Variants in RIN2 observed in about 807,000 individuals in gnomAD.
RIN2 encodes the protein Ras and Rab interactor 2, also known as RAB5 interacting protein 2.
In RIN2, 36 loss-of-function variants were observed where a neutral mutation model predicts 78.0. The ratio of observed to expected loss-of-function variants is 0.46; its 90% CI spans 0.35 to 0.61. The LOEUF is 0.61. Among genes scored for constraint, RIN2 ranks in the 20% least tolerant of loss-of-function variants. The pLI is 0.00. For missense variants in RIN2, 1,087 were observed against 1,159.7 expected (o/e 0.94, Z 0.91); for synonymous variants, 466 against 466.8 (o/e 1.00, Z 0.02).
chr20:19,985,910 G>A (rs764300680), intron 9 of RIN2, among the ~76,000 whole-genome samples: 30 of 152,102 alleles, frequency 2.0e-4, no homozygotes, highest in Non-Finnish European at 2.9e-4. Flanking sequence ...AGATGTCCTT[G>A]GGTTTCAGTT....
Position 19,990,037 on chromosome 20 carries a change from C to T in RIN2, c.1794C>T (p.Cys598=). The stretch of plus-strand genomic sequence containing the variant: ...TGCTGGAAAAAGCCATGCACAAGTG[C>T]ATCTTGAAGCCCCTCAAGGGGCACG... ...DVVLEKAMHK[C]ILKPLKGHVE... is the part of the protein sequence containing the mutation. The change falls in exon 10 of 13, where the codon TGC becomes TGT. Residue 598 remains cysteine, a synonymous_variant. Coordinates refer to ENST00000255006, the MANE Select transcript of RIN2 (RefSeq NM_018993.4). 3 of 1,588,610 alleles carry T rather than the reference C, an allele frequency of 1.9e-6. No individual in the cohort carries two copies. Among genetic ancestry groups the T allele is most frequent in the Non-Finnish European group, 1.7e-6 (2 of 1,166,140 alleles).
At chr20:19,906,366 T>C (rs2039218566) in intron 3 of RIN2, among the ~76,000 whole-genome samples, 1 of 152,200 alleles carries the variant, frequency 6.6e-6, no homozygotes, top group Non-Finnish European at 1.5e-5. Context: ...GGAGGATTGC[T>C]TGAGCCCAGG....
At chr20:19,864,377 C>T (rs756362649) in intron 2 of RIN2, among the ~76,000 whole-genome samples, 1 of 152,140 alleles carries the variant, frequency 6.6e-6, no homozygotes, top group Non-Finnish European at 1.5e-5. Flanking sequence ...TTCTTATTAA[C>T]ACCAGACCTG....
chr20:19,946,166 T>C (rs1419354634), intron 4 of RIN2, among the ~76,000 whole-genome samples: 1 of 152,088 alleles, frequency 6.6e-6, no homozygotes, highest in African/African-American at 2.4e-5. Context: ...GAATATGGGC[T>C]GGGGATGAGG....
intron 1 of RIN2, among the ~76,000 whole-genome samples, chr20:19,766,508 A>T (rs909753410): frequency 1.9e-4 from 29 of 152,156 alleles, no homozygotes; most frequent in African/African-American, 6.0e-4. Flanking sequence ...GGGGTACTTC[A>T]TCCTTTCCTG....
Position 19,819,672 on chromosome 20 carries a change from C to T in RIN2, c.-37+19925C>T, listed in dbSNP as rs186403211. On this transcript the variant is annotated intron_variant, in intron 2 of 12. Coordinates refer to ENST00000255006, the MANE Select transcript of RIN2 (RefSeq NM_018993.4). ...CACCTCACCCTCCTGGTAGCTGGGA[C>T]CACAGGTGCATGCCACCATGCCTAG... Among the ~76,000 whole-genome samples, 6 of 152,240 alleles carry T rather than the reference C, an allele frequency of 3.9e-5. No individual in the cohort carries two copies. In the East Asian group the frequency reaches 1.2e-3, roughly 29 times the overall value.
chr20:19,854,528 C>T (rs2037100654), intron 2 of RIN2, among the ~76,000 whole-genome samples: 1 of 152,154 alleles, frequency 6.6e-6, no homozygotes, highest in Admixed American at 6.6e-5. Flanking sequence ...AATGTTCTTC[C>T]ATTTGTTTGT....
At chr20:19,918,816 A>G (rs1420982514) in intron 3 of RIN2, among the ~76,000 whole-genome samples, 5 of 152,148 alleles carry the variant, frequency 3.3e-5, no homozygotes, top group Non-Finnish European at 5.9e-5. Flanking sequence ...CTGGGATGAC[A>G]CTTAGGTAGA....
intron 1 of RIN2, among the ~76,000 whole-genome samples, chr20:19,764,680 A>G (rs1183167109): frequency 6.6e-6 from 1 of 152,156 alleles, no homozygotes; most frequent in Non-Finnish European, 1.5e-5. Flanking sequence ...TCCTCAATCA[A>G]TTACCTAGCC....
chr20:19,810,572 G>A (rs1389191116), intron 2 of RIN2, among the ~76,000 whole-genome samples: 3 of 152,024 alleles, frequency 2.0e-5, no homozygotes, highest in Non-Finnish European at 2.9e-5. Flanking sequence ...AACATCAGCC[G>A]GTGCTGCTCC....
intron 4 of RIN2, among the ~76,000 whole-genome samples, chr20:19,937,380 C>G (rs780541035): frequency 1.3e-5 from 2 of 152,164 alleles, no homozygotes; most frequent in Non-Finnish European, 2.9e-5. Context: ...GCACGTCTGA[C>G]GGCTGCAGGA....
chr20:19,771,904 C>T lies in RIN2; in HGVS notation c.-163+13577C>T, dbSNP rs142496398. Among the ~76,000 whole-genome samples the T allele has an allele frequency of 2.9e-3, 439 of 152,290 alleles. 2 individuals carry two copies. Among genetic ancestry groups the T allele is most frequent in the Non-Finnish European group, 3.5e-3 (241 of 68,020 alleles). On this transcript the variant is annotated intron_variant, in intron 1 of 12. Coordinates refer to ENST00000255006, the MANE Select transcript of RIN2 (RefSeq NM_018993.4). ...CCTCCTCTTGCCCTCCTCACTCTCT[C>T]GTTATTTTGAGACAGGATCTTGCTC... is the stretch of plus-strand genomic sequence containing the variant.
At chr20:19,834,751 T>A (rs149003021) in intron 2 of RIN2, among the ~76,000 whole-genome samples, 1 of 152,302 alleles carries the variant, frequency 6.6e-6, no homozygotes, top group East Asian at 1.9e-4. Context: ...CAATCTTCTG[T>A]CTTTTAAGTT....
chr20:19,775,817 GC>G (rs1485643005), intron 1 of RIN2, among the ~76,000 whole-genome samples: 1 of 152,200 alleles, frequency 6.6e-6, no homozygotes, highest in Non-Finnish European at 1.5e-5. Flanking sequence ...CCGCCCCAGG[GC>G]CCTCCATTGC....
intron 3 of RIN2, among the ~76,000 whole-genome samples, chr20:19,927,702 A>T (rs1039122246): frequency 6.6e-6 from 1 of 152,054 alleles, no homozygotes; most frequent in Non-Finnish European, 1.5e-5. Context: ...AGCGTGAGCC[A>T]CCACGCCCAG....
chr20:19,996,709 C>T lies in RIN2; in HGVS notation c.2231C>T (p.Ala744Val), dbSNP rs2042978631. The T allele has an allele frequency of 6.2e-7, 1 of 1,614,054 alleles. No individual in the cohort carries two copies. Among genetic ancestry groups the T allele is most frequent in the Non-Finnish European group, 8.5e-7 (1 of 1,179,906 alleles). The stretch of plus-strand genomic sequence containing the variant: ...TATTACTTGACAAGCGCATATGGAG[C>T]ACTTTCTCTGATAAAGAATTTCCAA... The part of the protein sequence containing the change: ...GGYYLTSAYG[A>V]LSLIKNFQEE... The change falls in exon 12 of 13, where the codon GCA becomes GTA. Residue 744 changes from alanine (A) to valine (V), a missense_variant. Transcript: ENST00000255006.
intron 2 of RIN2, among the ~76,000 whole-genome samples, chr20:19,810,081 A>C (rs1378956599): frequency 1.3e-5 from 2 of 152,044 alleles, no homozygotes; most frequent in Non-Finnish European, 2.9e-5. Context: ...GGGCTCCACC[A>C]TCCACAGCCC....
At chr20:19,759,425 T>TG (rs1186789183) in intron 1 of RIN2, among the ~76,000 whole-genome samples, 1 of 152,114 alleles carries the variant, frequency 6.6e-6, no homozygotes, top group Non-Finnish European at 1.5e-5. Flanking sequence ...AAGGGCTTAC[T>TG]GGGAAAAAAG....
Position 19,871,213 on chromosome 20 carries a change from G to T in RIN2, c.-36-18353G>T, listed in dbSNP as rs142751117. Among the ~76,000 whole-genome samples the T allele has an allele frequency of 4.9e-4, 75 of 152,286 alleles. No homozygotes were observed. The East Asian group carries it at 0.013, about 27-fold the overall frequency. On this transcript the variant is annotated intron_variant, in intron 2 of 12. Coordinates refer to ENST00000255006, the MANE Select transcript of RIN2 (RefSeq NM_018993.4). Reference sequence around the variant, plus strand: ...CCAAGGCACATGGGGATCCTAAGAGGACTAATTCATTTGGTGACACTTCTT... The same window carrying T: ...CCAAGGCACATGGGGATCCTAAGAGTACTAATTCATTTGGTGACACTTCTT...
Sources: allele counts gnomAD v4.1 joint callset (sites outside exome capture counted in the v4.1 genomes callset), GRCh38; gene constraint gnomAD v4.1.1; transcripts MANE v1.5; gene names NCBI Gene and HGNC (gene_info 2026-07-23, HGNC 2026-07-21).